KCTD21: variants seen among roughly 807,000 people sequenced by gnomAD.
KCTD21 encodes the protein BTB/POZ domain-containing protein KCTD21.
In KCTD21, 9 loss-of-function variants were observed where a neutral mutation model predicts 13.2. The ratio of observed to expected loss-of-function variants is 0.68; its 90% confidence interval spans 0.41 to 1.19. KCTD21 has a LOEUF of 1.19. KCTD21 is among the 50% of genes most tolerant of loss of function. KCTD21 has a pLI of 0.01. For synonymous variants in KCTD21, 142 were observed against 137.4 expected (o/e 1.03, Z -0.23); for missense variants, 303 against 336.5 (o/e 0.90, Z 0.78).
In KCTD21 at chr11:78,174,569, T is replaced by A. The variant is rs1466808867; in HGVS notation, c.-15A>T. On this transcript the variant is annotated 5_prime_UTR_variant, in exon 2 of 2. Coordinates refer to ENST00000340067, the MANE Select transcript of KCTD21 (RefSeq NM_001029859.3). ...GGGTCGGACATGGCAGGAGACTGGGTTGCTGGAAGTAGTCCTGGAGAGGGT... is the reference window on the plus strand; with the variant it reads ...GGGTCGGACATGGCAGGAGACTGGGATGCTGGAAGTAGTCCTGGAGAGGGT... 1.4e-5 allele frequency: 23 copies of A among 1,599,754 alleles called. No homozygotes were observed. The highest frequency in any genetic ancestry group is 2.0e-5 in the Non-Finnish European group (23 of 1,172,678).
intron 1 of KCTD21, among the ~76,000 whole-genome samples, chr11:78,180,956 C>T (rs1160587595): frequency 6.6e-6 from 1 of 152,186 alleles, no homozygotes; most frequent in Non-Finnish European, 1.5e-5. Flanking sequence ...TCGCTTGGCA[C>T]TTCTCCTTGC....
intron 1 of KCTD21, 60 bp from the exon 2 acceptor site, chr11:78,174,643 C>T: frequency 8.8e-7 from 1 of 1,140,246 alleles, no homozygotes; most frequent in Non-Finnish European, 1.2e-6. Context: ...AACTCACAGT[C>T]CTTAACTCCT....
rs1157767556 is a variant in KCTD21 at position 78,172,843 on chromosome 11, G to A, written c.*929C>T. 1 of 152,566 alleles carries A rather than the reference G, an allele frequency of 6.6e-6. No homozygotes were observed. Among genetic ancestry groups the A allele is most frequent in the Non-Finnish European group, 1.5e-5 (1 of 68,046 alleles). The allele number at this position is 152,566 out of a possible 1,614,324, so 9.5% of individuals were successfully genotyped here. A position where few individuals can be genotyped will look rare whatever the true frequency, so the allele number is the denominator to read the frequency against. The stretch of plus-strand genomic sequence containing the variant: ...AAGCAGGCCAAGGTGATCACTTGCA[G>A]GTACCCAGGGAGAGGCGCTCATCTT... On this transcript the variant is annotated 3_prime_UTR_variant, in exon 2 of 2. Coordinates refer to ENST00000340067, the MANE Select transcript of KCTD21 (RefSeq NM_001029859.3).
In KCTD21 at chr11:78,171,680, A is replaced by G. The variant is rs911038761; in HGVS notation, c.*2092T>C. 1 of 152,184 alleles carries G rather than the reference A, an allele frequency of 6.6e-6. No homozygotes were observed. Among genetic ancestry groups the G allele is most frequent in the Admixed American group, 6.5e-5 (1 of 15,276 alleles). The allele number at this position is 152,184 out of a possible 1,614,324, so 9.4% of individuals were successfully genotyped here. A position where few individuals can be genotyped will look rare whatever the true frequency, so the allele number is the denominator to read the frequency against. On this transcript the variant is annotated 3_prime_UTR_variant, in exon 2 of 2. Transcript: ENST00000340067. ...CTCTGCAATGGCACACTCTCAGCTCACTGCAACCTCTGCTATCTGGGTTCA... is the reference window on the plus strand; with the variant it reads ...CTCTGCAATGGCACACTCTCAGCTCGCTGCAACCTCTGCTATCTGGGTTCA...
In KCTD21 at chr11:78,173,834, A is replaced by G. The variant is rs200360563; in HGVS notation, c.721T>C (p.Ser241Pro). 1.4e-5 allele frequency: 23 copies of G among 1,614,192 alleles called. No homozygotes were observed. Among genetic ancestry groups the G allele is most frequent in the Non-Finnish European group, 1.9e-5 (23 of 1,180,050 alleles). Residue 241 changes from serine to proline, a missense_variant, in exon 2 of 2, where the codon TCT becomes CCT. Ser to Pro is a moderately conservative substitution (Grantham distance 74). Coordinates refer to ENST00000340067, the MANE Select transcript of KCTD21 (RefSeq NM_001029859.3). ...ALSDGFCIDS[S>P]HPHALDFMNN... ...ATAAAATCCAGAGCATGTGGGTGAG[A>G]AGAATCGATGCAGAAGCCATCGCTC...
At chr11:78,187,072 A>G in intron 1 of KCTD21, 1 of 985,426 alleles carries the variant, frequency 1.0e-6, no homozygotes, top group Non-Finnish European at 1.2e-6. Flanking sequence ...GGCCGAGGTG[A>G]TTACTTGGGA....
chr11:78,178,320 G>C (rs912592199), intron 1 of KCTD21, among the ~76,000 whole-genome samples: 2 of 152,008 alleles, frequency 1.3e-5, no homozygotes, highest in African/African-American at 4.8e-5. Flanking sequence ...AGTAGAGATG[G>C]GATTTCACCA....
chr11:78,185,289 T>C (rs560935538), intron 1 of KCTD21, among the ~76,000 whole-genome samples: 2 of 152,324 alleles, frequency 1.3e-5, no homozygotes, highest in Non-Finnish European at 2.9e-5. Context: ...TAAGCTTTTA[T>C]GTAAGCTTGA....
chr11:78,174,869 A>G (rs903901593), intron 1 of KCTD21: 8 of 288,202 alleles, frequency 2.8e-5, no homozygotes, highest in Non-Finnish European at 5.2e-5. Context: ...TTCTATTTTA[A>G]TTGGTCTGGA....
At chr11:78,187,664 T>C in intron 1 of KCTD21, 1 of 985,436 alleles carries the variant, frequency 1.0e-6, no homozygotes, top group African/African-American at 1.7e-5. Flanking sequence ...CAGTAATTTA[T>C]AAACACCGTG....
At chr11:78,186,967 A>T in intron 1 of KCTD21, 1 of 985,460 alleles carries the variant, frequency 1.0e-6, no homozygotes, top group Non-Finnish European at 1.2e-6. Context: ...TCTCCTGTTT[A>T]GTCAGATCCA....
intron 1 of KCTD21, chr11:78,187,853 G>A (rs1241571563): frequency 2.0e-6 from 2 of 985,280 alleles, no homozygotes; most frequent in African/African-American, 1.7e-5. Context: ...AGTGCAGGGA[G>A]AAAAGCAAGG....
At chr11:78,180,982 A>G (rs1804000700) in intron 1 of KCTD21, among the ~76,000 whole-genome samples, 1 of 152,170 alleles carries the variant, frequency 6.6e-6, no homozygotes, top group Non-Finnish European at 1.5e-5. Context: ...CCATGTGAAG[A>G]AAGACATGTT....
intron 1 of KCTD21, chr11:78,188,015 G>T: frequency 3.0e-6 from 3 of 985,412 alleles, no homozygotes; most frequent in Non-Finnish European, 3.6e-6. Context: ...CTGAACTCGG[G>T]GATGGACTCT....
At chr11:78,175,186 G>C (rs1862413072) in intron 1 of KCTD21, 1 of 152,168 alleles carries the variant, frequency 6.6e-6, no homozygotes, top group Admixed American at 6.6e-5. Flanking sequence ...AGCTGGGCAT[G>C]GTGGTGGGTG....
At position 78,173,620 on chromosome 11, in the gene KCTD21, G is replaced by T; in HGVS notation, c.*152C>A. On this transcript the variant is annotated 3_prime_UTR_variant, in exon 2 of 2. Transcript: ENST00000340067. Reference sequence around the variant, plus strand: ...TTCAGAGGACACTGGATTCCAAAAGGTGGACTTCATCATGGGGGGAATCAA... The same window carrying T: ...TTCAGAGGACACTGGATTCCAAAAGTTGGACTTCATCATGGGGGGAATCAA... The T allele has an allele frequency of 1.4e-6, 1 of 707,554 alleles. No individual in the cohort carries two copies. Among genetic ancestry groups the T allele is most frequent in the Non-Finnish European group, 2.4e-6 (1 of 416,262 alleles). The allele number at this position is 707,554 out of a possible 1,614,324, so 43.8% of individuals were successfully genotyped here.
chr11:78,180,772 G>A lies in KCTD21; in HGVS notation c.-29-6189C>T, dbSNP rs112438916. On this transcript the variant is annotated intron_variant, in intron 1 of 1. Transcript: ENST00000340067. Reference sequence around the variant, plus strand: ...GCTGTTGAAAATAGTTTGACATATGGTATGGTTTGGCTCTGTGTCCCCACC... The same window carrying A: ...GCTGTTGAAAATAGTTTGACATATGATATGGTTTGGCTCTGTGTCCCCACC... Among the ~76,000 whole-genome samples, 3 of 152,296 alleles carry A rather than the reference G, an allele frequency of 2.0e-5. No homozygotes were observed. In the South Asian group the frequency reaches 6.2e-4, roughly 32 times the overall value.
In KCTD21 at chr11:78,174,303, G is replaced by A. The variant is rs773683897; in HGVS notation, c.252C>T (p.Ala84=). 27 of 1,614,094 alleles carry A rather than the reference G, an allele frequency of 1.7e-5. No homozygotes were observed. In the East Asian group the frequency reaches 4.0e-4, roughly 24 times the overall value. The change falls in exon 2 of 2, where the codon GCC becomes GCT. Residue 84 remains alanine, a synonymous_variant. Transcript: ENST00000340067. ...TCAGGGGCTGCACCTGGTAGAAGTCGGCCTCCCTGCGGAGCAGCCCCATCT... is the reference window on the plus strand; with the variant it reads ...TCAGGGGCTGCACCTGGTAGAAGTCAGCCTCCCTGCGGAGCAGCCCCATCT... ...FQEMGLLRRE[A]DFYQVQPLIE...
In KCTD21 at chr11:78,173,968, G is replaced by A; in HGVS notation, c.587C>T (p.Pro196Leu). ...GTTCTGCTTGGTGTACTCCTCCTCTGGCAGGCCCTCCACATTGGCCACCCA... is the reference window on the plus strand; with the variant it reads ...GTTCTGCTTGGTGTACTCCTCCTCTAGCAGGCCCTCCACATTGGCCACCCA... ...LDWVANVEGL[P>L]EEEYTKQNLK... Residue 196 changes from proline to leucine, a missense_variant, in exon 2 of 2, where the codon CCA becomes CTA. Transcript: ENST00000340067. 6.2e-7 allele frequency: 1 copy of A among 1,613,950 alleles called. No homozygotes were observed. Among genetic ancestry groups the A allele is most frequent in the South Asian group, 1.1e-5 (1 of 91,046 alleles).
Sources: gnomAD v4.1 joint callset for allele counts (sites outside exome capture counted in the v4.1 genomes callset) on GRCh38, gnomAD v4.1.1 for gene constraint, MANE v1.5 for transcripts, NCBI Gene and HGNC (gene_info 2026-07-23, HGNC 2026-07-21) for gene names.